ALK: variants seen among roughly 807,000 people sequenced by gnomAD.
ALK encodes ALK receptor tyrosine kinase.
Under a neutral mutation model 163.1 loss-of-function variants are expected in ALK, and 74 were observed. That is an observed-to-expected ratio of 0.45 (90% CI 0.38 to 0.55). The LOEUF is 0.55. Ranked by LOEUF, ALK falls within the 20% of genes least tolerant of loss-of-function variation. The pLI is 0.00. For missense variants in ALK, 2,063 were observed against 2,105.3 expected (o/e 0.98, Z 0.39); for synonymous variants, 960 against 843.2 (o/e 1.14, Z -2.40).
At chr2:29,604,379 G>T (rs1250531210) in intron 3 of ALK, among the ~76,000 whole-genome samples, 1 of 152,082 alleles carries the variant, frequency 6.6e-6, no homozygotes, top group African/African-American at 2.4e-5. Flanking sequence ...AAGCAGAGAA[G>T]GGCCATGCTG....
intron 5 of ALK, among the ~76,000 whole-genome samples, chr2:29,333,653 T>A (rs1667521182): frequency 6.6e-6 from 1 of 152,220 alleles, no homozygotes; most frequent in Non-Finnish European, 1.5e-5. Context: ...AGGGTCTCTG[T>A]CACCTAGGTT....
At chr2:29,747,637 C>T (rs1252985458) in intron 1 of ALK, among the ~76,000 whole-genome samples, 3 of 152,208 alleles carry the variant, frequency 2.0e-5, no homozygotes, top group Admixed American at 1.3e-4. Context: ...TCAATAAATA[C>T]TCCAAAGAAT....
At chr2:29,628,884 G>C (rs1160643931) in intron 3 of ALK, among the ~76,000 whole-genome samples, 2 of 152,214 alleles carry the variant, frequency 1.3e-5, no homozygotes, top group African/African-American at 4.8e-5. Flanking sequence ...TCAAGACTCA[G>C]TGCTCTCGCC....
chr2:29,847,468 C>A (rs552267426), intron 1 of ALK, among the ~76,000 whole-genome samples: 1 of 152,178 alleles, frequency 6.6e-6, no homozygotes, highest in Admixed American at 6.5e-5. Context: ...TTATAATTAC[C>A]CCGTGATGAC....
At chr2:29,282,839 G>A (rs1252465040) in intron 9 of ALK, among the ~76,000 whole-genome samples, 6 of 152,144 alleles carry the variant, frequency 3.9e-5, no homozygotes, top group African/African-American at 7.2e-5. Flanking sequence ...GCTCACTTTC[G>A]GGGGCTCAGC....
At chr2:29,198,464 C>G (rs1669078319) in intron 26 of ALK, among the ~76,000 whole-genome samples, 1 of 152,152 alleles carries the variant, frequency 6.6e-6, no homozygotes, top group Non-Finnish European at 1.5e-5. Context: ...AGTCAGCAGT[C>G]CTATAACTTT....
chr2:29,393,445 G>A (rs1478196882), intron 4 of ALK, among the ~76,000 whole-genome samples: 2 of 152,256 alleles, frequency 1.3e-5, no homozygotes, highest in South Asian at 2.1e-4. Flanking sequence ...CATTCCATAG[G>A]GGTCCTGCTC....
chr2:29,577,590 C>A (rs1354171606), intron 3 of ALK, among the ~76,000 whole-genome samples: 1 of 152,144 alleles, frequency 6.6e-6, no homozygotes, highest in Non-Finnish European at 1.5e-5. Context: ...GATGAGGGCC[C>A]TGCCCCAGGG....
At chr2:29,914,647 T>C (rs1282347995) in intron 1 of ALK, among the ~76,000 whole-genome samples, 1 of 152,244 alleles carries the variant, frequency 6.6e-6, no homozygotes, top group East Asian at 1.9e-4. Flanking sequence ...TTAAGAACTA[T>C]TATATCCCTA....
intron 5 of ALK, among the ~76,000 whole-genome samples, chr2:29,348,040 T>C (rs17007920): frequency 0.11 from 17,359 of 152,194 alleles, 1,046 homozygotes; most frequent in Admixed American, 0.14. Context: ...CTGTGTCTTA[T>C]TAAAACCTTT....
chr2:29,915,982 CT>C (rs1667823453), intron 1 of ALK, among the ~76,000 whole-genome samples: 2 of 152,214 alleles, frequency 1.3e-5, no homozygotes, highest in African/African-American at 4.8e-5. Flanking sequence ...ATATGCAATT[CT>C]TTTCTTTTCC....
At chr2:29,358,016 G>C (rs962531561) in intron 5 of ALK, among the ~76,000 whole-genome samples, 3 of 152,182 alleles carry the variant, frequency 2.0e-5, no homozygotes, top group East Asian at 1.9e-4. Flanking sequence ...AAGAGGCTAA[G>C]AGAAGAAGCA....
At chr2:29,363,971 A>G (rs962604389) in intron 5 of ALK, among the ~76,000 whole-genome samples, 1 of 152,130 alleles carries the variant, frequency 6.6e-6, no homozygotes, top group African/African-American at 2.4e-5. Context: ...TGAGATCACA[A>G]AACCCTTCAA....
intron 1 of ALK, among the ~76,000 whole-genome samples, chr2:29,743,905 C>G (rs1680131609): frequency 6.6e-6 from 1 of 151,222 alleles, no homozygotes; most frequent in Non-Finnish European, 1.5e-5. Flanking sequence ...TTTTATGGTT[C>G]ACATGGAGGT....
intron 3 of ALK, among the ~76,000 whole-genome samples, chr2:29,647,843 C>T (rs1676929532): frequency 7.3e-6 from 1 of 137,124 alleles, no homozygotes; most frequent in African/African-American, 2.7e-5. Context: ...TTTCTTAAAA[C>T]CAACTCATAT....
chr2:29,226,478 CAAAAAAAA>C (rs3028223), intron 18 of ALK, among the ~76,000 whole-genome samples: 5 of 84,912 alleles, frequency 5.9e-5, no homozygotes, highest in East Asian at 4.4e-4. Flanking sequence ...AACTCCGCCT[CAAAAAAAA>C]AAAAAAAAAA....
At chr2:29,298,887 C>T (rs1229808841) in intron 8 of ALK, among the ~76,000 whole-genome samples, 2 of 152,168 alleles carry the variant, frequency 1.3e-5, no homozygotes, top group African/African-American at 2.4e-5. Flanking sequence ...GCCCTCCTTT[C>T]CCTCCTTTCC....
intron 3 of ALK, among the ~76,000 whole-genome samples, chr2:29,574,111 C>T (rs528236497): frequency 4.0e-5 from 6 of 151,856 alleles, no homozygotes; most frequent in Admixed American, 6.6e-5. Flanking sequence ...CGGAGCAGAA[C>T]AAGTAAGTCC....
chr2:29,728,047 G>T (rs1265275550), intron 1 of ALK, among the ~76,000 whole-genome samples: 1 of 152,202 alleles, frequency 6.6e-6, no homozygotes, highest in Non-Finnish European at 1.5e-5. Context: ...AGCAAAGAAA[G>T]GAGGAGGGAG....
Sources: allele counts gnomAD v4.1 joint callset (sites outside exome capture counted in the v4.1 genomes callset), GRCh38; gene constraint gnomAD v4.1.1; transcripts MANE v1.5; gene names NCBI Gene and HGNC (gene_info 2026-07-23, HGNC 2026-07-21).